TSNARE1: variants seen among roughly 807,000 people sequenced by gnomAD.
The protein encoded by TSNARE1 is t-SNARE domain containing 1.
Under a neutral mutation model 62.0 loss-of-function variants are expected in TSNARE1, and 49 were observed. That is an observed-to-expected ratio of 0.79 (90% CI 0.63 to 1.00). TSNARE1 has a LOEUF of 1.00. Ranked by LOEUF, TSNARE1 falls within the 50% of genes least tolerant of loss-of-function variation. The pLI is 0.00. For missense variants in TSNARE1, 755 were observed against 700.1 expected, an observed-to-expected ratio of 1.08 and a Z score of -0.88; for synonymous variants, 328 against 294.4, an observed-to-expected ratio of 1.11 and a Z score of -1.17.
chr8:142,380,025 G>A (rs1050197234), intron 1 of TSNARE1, among the ~76,000 whole-genome samples: 5 of 152,264 alleles, frequency 3.3e-5, no homozygotes, highest in Middle Eastern at 3.4e-3. Context: ...TGTGGGTCTC[G>A]CACACTCCCC....
chr8:142,337,787 G>A (rs1376493822), intron 4 of TSNARE1, among the ~76,000 whole-genome samples: 3 of 152,198 alleles, frequency 2.0e-5, no homozygotes, highest in Admixed American at 6.5e-5. Context: ...CATGCAGGAC[G>A]CCACATCCTG....
intron 1 of TSNARE1, among the ~76,000 whole-genome samples, chr8:142,400,039 CA>C (rs879581383): frequency 2.4e-3 from 333 of 138,490 alleles, no homozygotes; most frequent in Middle Eastern, 3.8e-3. Context: ...ACGCCTATCT[CA>C]AAAAAAAAAA....
At chr8:142,333,843 G>A (rs530872425) in intron 4 of TSNARE1, among the ~76,000 whole-genome samples, 8 of 152,340 alleles carry the variant, frequency 5.3e-5, no homozygotes, top group South Asian at 2.1e-4. Context: ...ACTGCCAGGC[G>A]GCCTCCAGGA....
chr8:142,335,053 G>A (rs982267746), intron 4 of TSNARE1, among the ~76,000 whole-genome samples: 1 of 152,222 alleles, frequency 6.6e-6, no homozygotes, highest in Non-Finnish European at 1.5e-5. Context: ...ACTATCGATT[G>A]TAAAAGCAAA....
intron 1 of TSNARE1, among the ~76,000 whole-genome samples, chr8:142,382,344 G>T (rs1300844533): frequency 6.6e-6 from 1 of 152,144 alleles, no homozygotes; most frequent in Non-Finnish European, 1.5e-5. Flanking sequence ...ACAAATGGGC[G>T]GTCAGAACAC....
intron 12 of TSNARE1, among the ~76,000 whole-genome samples, chr8:142,258,561 A>C (rs1818706940): frequency 6.8e-6 from 1 of 146,586 alleles, no homozygotes; most frequent in South Asian, 2.1e-4. Flanking sequence ...GGCTCACTGC[A>C]ACCTCTGCCT....
chr8:142,278,734 G>C (rs1304005147), intron 11 of TSNARE1: 2 of 985,442 alleles, frequency 2.0e-6, no homozygotes, highest in Non-Finnish European at 2.4e-6. Flanking sequence ...CCGTGGGCTC[G>C]GAAGGGGGCA....
At chr8:142,396,905 C>G (rs1380838257) in intron 1 of TSNARE1, among the ~76,000 whole-genome samples, 4 of 152,204 alleles carry the variant, frequency 2.6e-5, no homozygotes, top group Non-Finnish European at 5.9e-5. Flanking sequence ...GCGAGCTGGC[C>G]GTGCCATGGC....
chr8:142,272,981 C>A (rs1010368924), intron 12 of TSNARE1: 1 of 985,458 alleles, frequency 1.0e-6, no homozygotes, highest in South Asian at 4.7e-5. Flanking sequence ...CCTGGTGGAC[C>A]CCCTCGGGAA....
At chr8:142,272,722 C>T (rs1205994633) in intron 12 of TSNARE1, 2 of 960,802 alleles carry the variant, frequency 2.1e-6, no homozygotes, top group South Asian at 4.9e-5. Context: ...CCTGACACAC[C>T]GTGGGGAGGG....
At chr8:142,277,142 G>A (rs961800495) in intron 11 of TSNARE1, 2 of 985,320 alleles carry the variant, frequency 2.0e-6, no homozygotes, top group Middle Eastern at 5.2e-4. Flanking sequence ...CAGTCTGTGA[G>A]GTGAGCCCTG....
chr8:142,344,940 A>G (rs775323980), intron 3 of TSNARE1, among the ~76,000 whole-genome samples: 7 of 152,178 alleles, frequency 4.6e-5, no homozygotes, highest in Non-Finnish European at 8.8e-5. Context: ...CTCTGAGCAC[A>G]GGCCTCGGCT....
intron 6 of TSNARE1, among the ~76,000 whole-genome samples, chr8:142,322,280 C>G (rs1829577047): frequency 6.6e-6 from 1 of 152,186 alleles, no homozygotes; most frequent in African/African-American, 2.4e-5. Context: ...CAACCTGATA[C>G]AGAGAGGCTG....
chr8:142,380,079 A>G (rs1180138254), intron 1 of TSNARE1, among the ~76,000 whole-genome samples: 10 of 148,526 alleles, frequency 6.7e-5, no homozygotes, highest in Non-Finnish European at 1.4e-4. Context: ...AACAACAACA[A>G]TAAGAGTGGG....
intron 12 of TSNARE1, among the ~76,000 whole-genome samples, chr8:142,261,738 C>T (rs930223992): frequency 6.6e-6 from 1 of 152,146 alleles, no homozygotes; most frequent in African/African-American, 2.4e-5. Flanking sequence ...AAACCACGAG[C>T]TCCGACAAGG....
chr8:142,329,587 C>T (rs184529474), intron 6 of TSNARE1, among the ~76,000 whole-genome samples: 5 of 152,366 alleles, frequency 3.3e-5, no homozygotes, highest in Admixed American at 1.3e-4. Flanking sequence ...CACAAGTTAT[C>T]TGCATCAACA....
intron 7 of TSNARE1, among the ~76,000 whole-genome samples, chr8:142,315,349 C>A (rs1052768583): frequency 6.6e-6 from 1 of 152,216 alleles, no homozygotes; most frequent in Non-Finnish European, 1.5e-5. Flanking sequence ...CACATAAACC[C>A]GGCCCCACAC....
chr8:142,283,498 C>T (rs1436205793), intron 11 of TSNARE1, among the ~76,000 whole-genome samples: 4 of 144,556 alleles, frequency 2.8e-5, no homozygotes, highest in Non-Finnish European at 6.0e-5. Context: ...TGTCAATGAG[C>T]GGAGGCGGGA....
intron 13 of TSNARE1, among the ~76,000 whole-genome samples, chr8:142,217,374 A>AGAAAGAAAGAAAG: frequency 7.4e-6 from 1 of 134,922 alleles, no homozygotes; most frequent in Admixed American, 7.4e-5. Flanking sequence ...AAAGAAAGAA[A>AGAAAGAAAGAAAG]AAAGGGAAAG....
Sources: gnomAD v4.1 joint callset for allele counts (sites outside exome capture counted in the v4.1 genomes callset) on GRCh38, gnomAD v4.1.1 for gene constraint, MANE v1.5 for transcripts, NCBI Gene and HGNC (gene_info 2026-07-23, HGNC 2026-07-21) for gene names.